The following USP33 variants were observed in gnomAD, a reference collection of about 807,000 sequenced individuals.
USP33 encodes ubiquitin specific peptidase 33.
In USP33, 46 loss-of-function variants were observed where a neutral mutation model predicts 124.2. The ratio of observed to expected loss-of-function variants is 0.37; its 90% CI spans 0.29 to 0.47. The LOEUF (loss-of-function observed/expected upper bound fraction) is 0.47. Among genes scored for constraint, USP33 ranks in the 20% least tolerant of loss-of-function variants. The pLI is 0.99. For missense variants in USP33, 851 were observed against 1,070.6 expected, an observed-to-expected ratio of 0.79 and a Z score of 2.86; for synonymous variants, 350 against 352.3, an observed-to-expected ratio of 0.99 and a Z score of 0.07.
chr1:77,701,299 T>C lies in USP33; in HGVS notation c.2509+70A>G, dbSNP rs557979954. ...GTGTAATCCCAAGTGCACACAGATA[T>C]TCAAGAAATACTTGTCAAACAAAAA... On this transcript the variant is annotated intron_variant, in intron 22 of 23. Coordinates refer to ENST00000370794, the MANE Select transcript of USP33 (RefSeq NM_201624.3). 2.3e-4 allele frequency: 254 copies of C among 1,112,142 alleles called. No homozygotes were observed. In the African/African-American group the frequency reaches 3.5e-3, roughly 16 times the overall value. The allele number at this position is 1,112,142 out of a possible 1,614,324, so 68.9% of individuals were successfully genotyped here. A position where few individuals can be genotyped will look rare whatever the true frequency, so the allele number is the denominator to read the frequency against.
chr1:77,710,136 C>T (rs745555508), intron 21 of USP33, among the ~76,000 whole-genome samples: 24 of 152,190 alleles, frequency 1.6e-4, no homozygotes, highest in Non-Finnish European at 2.6e-4. Flanking sequence ...CTTGTAGCCA[C>T]CAATGTCAGG....
chr1:77,746,512 T>C (rs1192068402), intron 1 of USP33: 2 of 152,200 alleles, frequency 1.3e-5, no homozygotes, highest in African/African-American at 4.8e-5. Flanking sequence ...GAAGGAATCC[T>C]CCGTAACTCA....
At chr1:77,743,510 T>C (rs758294024) in intron 1 of USP33, among the ~76,000 whole-genome samples, 5 of 152,160 alleles carry the variant, frequency 3.3e-5, no homozygotes, top group Non-Finnish European at 7.3e-5. Context: ...GGCCTCATTC[T>C]GTCACTCACA....
chr1:77,720,165 G>GGAAAA (rs1553193694), intron 15 of USP33, among the ~76,000 whole-genome samples: 1 of 42,742 alleles, frequency 2.3e-5, no homozygotes, highest in Non-Finnish European at 4.4e-5. Context: ...TGTCTCAAAT[G>GGAAAA]AAAAAAAAAA....
At chr1:77,727,415 G>A (rs1677293102) in intron 10 of USP33, among the ~76,000 whole-genome samples, 1 of 152,132 alleles carries the variant, frequency 6.6e-6, no homozygotes, top group Non-Finnish European at 1.5e-5. Context: ...TTTCAATACT[G>A]ATACCTGACA....
At position 77,755,664 on chromosome 1, in the gene USP33, C is replaced by T. The variant is rs553650395; in HGVS notation, c.-52+3979G>A. On this transcript the variant is annotated intron_variant, in intron 1 of 23. Coordinates refer to ENST00000370794, the MANE Select transcript of USP33 (RefSeq NM_201624.3). ...AGTGAGCCAAGATCGCACCACTGCA[C>T]GCCAGGCTGGGCAAGAGTGAGACCC... 2.4e-4 allele frequency among the ~76,000 whole-genome samples: 37 copies of T among 152,286 alleles called. No homozygotes were observed. The East Asian group carries it at 4.4e-3, about 18-fold the overall frequency.
Position 77,733,090 on chromosome 1 carries a change from G to A in USP33, c.524+1257C>T, listed in dbSNP as rs1190596789. Among the ~76,000 whole-genome samples, 4 of 152,018 alleles carry A rather than the reference G, an allele frequency of 2.6e-5. No individual in the cohort carries two copies. The East Asian group carries it at 7.8e-4, about 30-fold the overall frequency. On this transcript the variant is annotated intron_variant, in intron 7 of 23. Transcript: ENST00000370794. Reference sequence around the variant, plus strand: ...TTACAGGCATGAACCACCACGCCTGGCCTAAATGTCTCTTCTTTAACGTCC... The same window carrying A: ...TTACAGGCATGAACCACCACGCCTGACCTAAATGTCTCTTCTTTAACGTCC...
At chr1:77,713,509 TG>T in intron 19 of USP33, 1 of 410,882 alleles carries the variant, frequency 2.4e-6, no homozygotes, top group Non-Finnish European at 4.2e-6. Context: ...CCCAGCGTCC[TG>T]AGTAGCTGGG....
chr1:77,713,320 A>G, intron 19 of USP33, 39 bp from the exon 20 acceptor site: 2 of 1,503,988 alleles, frequency 1.3e-6, no homozygotes, highest in African/African-American at 2.9e-5. Flanking sequence ...CATGCTTTTA[A>G]TTATATTCCT....
intron 22 of USP33, among the ~76,000 whole-genome samples, chr1:77,698,586 C>T (rs1346071688): frequency 6.6e-6 from 1 of 150,388 alleles, no homozygotes; most frequent in African/African-American, 2.4e-5. Context: ...CTGCAAGCTC[C>T]GCCTCCCAGG....
rs1673425775 is a variant in USP33, at chr1:77,696,142, T to C, written c.*1175A>G. On this transcript the variant is annotated 3_prime_UTR_variant, in exon 24 of 24. Transcript: ENST00000370794. The stretch of plus-strand genomic sequence containing the variant: ...TTGTACTTGGAATATAGTTAAACTT[T>C]TGACATTACATAATCAAGCAAATAG... 6.6e-6 allele frequency: 1 copy of C among 152,296 alleles called. No individual in the cohort carries two copies. The highest frequency in any genetic ancestry group is 2.1e-4 in the South Asian group (1 of 4,826). 9.4% of individuals were successfully genotyped at this position (152,296 alleles called of 1,614,324 possible).
chr1:77,723,490 ATT>A, intron 11 of USP33, 47 bp from the exon 12 acceptor site: 1 of 1,277,060 alleles, frequency 7.8e-7, no homozygotes, highest in Non-Finnish European at 1.1e-6. Context: ...CTCCTTTAAC[ATT>A]TTTCTCTGGA....
At chr1:77,735,625 G>T (rs1459911880) in intron 6 of USP33, among the ~76,000 whole-genome samples, 1 of 152,112 alleles carries the variant, frequency 6.6e-6, no homozygotes, top group Admixed American at 6.5e-5. Flanking sequence ...GGGCCTAAAA[G>T]AATATGAAAA....
At chr1:77,746,357 C>G (rs1679738968) in intron 1 of USP33, 1 of 152,162 alleles carries the variant, frequency 6.6e-6, no homozygotes, top group Non-Finnish European at 1.5e-5. Context: ...CTGAATAGAC[C>G]AATAACAGGC....
chr1:77,753,536 A>G (rs1294088813), intron 1 of USP33, among the ~76,000 whole-genome samples: 2 of 152,188 alleles, frequency 1.3e-5, no homozygotes, highest in Non-Finnish European at 2.9e-5. Context: ...TCTGGAATAC[A>G]GTATTTTATT....
intron 20 of USP33, among the ~76,000 whole-genome samples, chr1:77,712,069 T>G (rs570044207): frequency 1.2e-3 from 177 of 152,194 alleles, no homozygotes; most frequent in Non-Finnish European, 2.1e-3. Context: ...ATTTCAACTT[T>G]CCCTTATTTC....
intron 19 of USP33, chr1:77,713,557 CTTTTTTTT>C (rs1192112747): frequency 1.4e-5 from 2 of 145,494 alleles, no homozygotes; most frequent in Non-Finnish European, 2.6e-5. Flanking sequence ...GCTAACTTTT[CTTTTTTTT>C]TTTTTTTTTT....
chr1:77,735,032 A>G (rs1473180424), intron 6 of USP33, among the ~76,000 whole-genome samples: 1 of 152,060 alleles, frequency 6.6e-6, no homozygotes, highest in Non-Finnish European at 1.5e-5. Flanking sequence ...CTGAAGCAGG[A>G]GAATGGTGTG....
chr1:77,741,358 G>A lies in USP33; in HGVS notation c.135+18C>T, dbSNP rs767305464. 9 of 1,580,340 alleles carry A rather than the reference G, an allele frequency of 5.7e-6. No individual in the cohort carries two copies. Among genetic ancestry groups the A allele is most frequent in the African/African-American group, 2.7e-5 (2 of 73,248 alleles). On this transcript the variant is annotated intron_variant, in intron 3 of 23. Coordinates refer to ENST00000370794, the MANE Select transcript of USP33 (RefSeq NM_201624.3). Reference sequence around the variant, plus strand: ...ATTATTATTATAGCAATCTTTTCAGGAAAAAACATATACACACCTCCAGAC... The same window carrying A: ...ATTATTATTATAGCAATCTTTTCAGAAAAAAACATATACACACCTCCAGAC...
Sources: gnomAD v4.1 joint callset for allele counts (sites outside exome capture counted in the v4.1 genomes callset) on GRCh38, gnomAD v4.1.1 for gene constraint, MANE v1.5 for transcripts, NCBI Gene and HGNC (gene_info 2026-07-23, HGNC 2026-07-21) for gene names.